Variants in ATF7IP2 observed in about 807,000 individuals in gnomAD.
The protein encoded by ATF7IP2 is activating transcription factor 7-interacting protein 2.
Under a neutral mutation model 64.2 loss-of-function variants are expected in ATF7IP2, and 42 were observed. That is an observed-to-expected ratio of 0.65 (90% CI 0.51 to 0.85). The LOEUF is 0.85. Ranked by LOEUF, ATF7IP2 falls within the 40% of genes least tolerant of loss-of-function variation. The pLI is 0.00. For missense variants in ATF7IP2, 933 were observed against 784.2 expected (o/e 1.19, Z -2.27); for synonymous variants, 308 against 272.8 (o/e 1.13, Z -1.27).
At chr16:10,404,429 G>C (rs2047594263) in intron 1 of ATF7IP2, among the ~76,000 whole-genome samples, 1 of 152,112 alleles carries the variant, frequency 6.6e-6, no homozygotes, top group East Asian at 1.9e-4. Flanking sequence ...ATTTTTAGTA[G>C]ATACTGGGTT....
intron 9 of ATF7IP2, among the ~76,000 whole-genome samples, chr16:10,458,124 A>G (rs35037634): frequency 0.089 from 13,541 of 152,312 alleles, 667 homozygotes; most frequent in African/African-American, 0.12. Flanking sequence ...GTACACAAGG[A>G]GGCTCTAAAG....
intron 1 of ATF7IP2, among the ~76,000 whole-genome samples, chr16:10,392,178 C>T (rs2047340324): frequency 6.6e-6 from 1 of 151,222 alleles, no homozygotes; most frequent in Non-Finnish European, 1.5e-5. Flanking sequence ...CTCAGCCTCC[C>T]AAGTAGCACC....
chr16:10,420,718 A>C (rs1420934198), intron 3 of ATF7IP2, among the ~76,000 whole-genome samples: 1 of 152,224 alleles, frequency 6.6e-6, no homozygotes, highest in African/African-American at 2.4e-5. Context: ...GTGAAATCGT[A>C]ACTGAGCATT....
intron 9 of ATF7IP2, among the ~76,000 whole-genome samples, chr16:10,469,062 C>T (rs970414726): frequency 2.0e-5 from 3 of 152,138 alleles, no homozygotes; most frequent in African/African-American, 7.2e-5. Flanking sequence ...AATGAAACAA[C>T]ATCCATTACC....
rs1184435680 is a variant in ATF7IP2 at position 10,482,512 on chromosome 16, T to A, written c.*263T>A. 3.7e-6 allele frequency: 1 copy of A among 273,936 alleles called. No individual in the cohort carries two copies. Among genetic ancestry groups the A allele is most frequent in the African/African-American group, 2.3e-5 (1 of 44,392 alleles). 17.0% of individuals were successfully genotyped at this position (273,936 alleles called of 1,614,324 possible). A position where few individuals can be genotyped will look rare whatever the true frequency, so the allele number is the denominator to read the frequency against. ...GGTGCATTGTGAACAATACCTTTAG[T>A]GACTGTGGAACTGCTGCTTCTATCA... On this transcript the variant is annotated 3_prime_UTR_variant, in exon 14 of 14. Transcript: ENST00000562102.
intron 9 of ATF7IP2, 51 bp downstream of exon 9, chr16:10,457,580 A>AT (rs751747949): frequency 4.1e-5 from 55 of 1,336,764 alleles, no homozygotes; most frequent in Non-Finnish European, 5.2e-5. Context: ...ATAATAATGA[A>AT]TTTTTTCTTC....
chr16:10,439,391 G>A (rs1040211300), intron 7 of ATF7IP2, among the ~76,000 whole-genome samples: 149 of 151,136 alleles, frequency 9.9e-4, no homozygotes, highest in Non-Finnish European at 1.7e-3. Flanking sequence ...GCCCGCCACC[G>A]TGCCCGGCTA....
At position 10,431,186 on chromosome 16, in the gene ATF7IP2, T is replaced by C. The variant is rs1567452256; in HGVS notation, c.566T>C (p.Val189Ala). 6.2e-7 allele frequency: 1 copy of C among 1,614,206 alleles called. No homozygotes were observed. Among genetic ancestry groups the C allele is most frequent in the South Asian group, 1.1e-5 (1 of 91,082 alleles). Residue 189 changes from valine (V) to alanine (A), a missense_variant, in exon 5 of 14, where the codon GTG becomes GCG. Physicochemically the swap from Val to Ala is moderately conservative, Grantham distance 64. Transcript: ENST00000562102. ...CCAGAGTCTACAGTAACCAGTACCG[T>C]GGGTGACAAGAAAACTGACCAGATG... The part of the protein sequence containing the change: ...QMPESTVTST[V>A]GDKKTDQMVF...
At chr16:10,423,722 G>T (rs893031414) in intron 3 of ATF7IP2, among the ~76,000 whole-genome samples, 2 of 152,146 alleles carry the variant, frequency 1.3e-5, no homozygotes, top group Non-Finnish European at 2.9e-5. Context: ...AACCTGCTCT[G>T]TTACCTCTTA....
At chr16:10,467,900 A>G (rs1268483271) in intron 9 of ATF7IP2, among the ~76,000 whole-genome samples, 4 of 138,226 alleles carry the variant, frequency 2.9e-5, no homozygotes, top group African/African-American at 1.1e-4. Context: ...TTTTTTTGAG[A>G]CAGAGTTTTG....
At chr16:10,448,120 C>T (rs1275994731) in intron 8 of ATF7IP2, 1 of 152,046 alleles carries the variant, frequency 6.6e-6, no homozygotes, top group African/African-American at 2.4e-5. Flanking sequence ...TGTTCTGTTC[C>T]ATTGGTCTAT....
intron 1 of ATF7IP2, among the ~76,000 whole-genome samples, chr16:10,388,868 C>T (rs555856002): frequency 5.3e-5 from 8 of 152,116 alleles, no homozygotes; most frequent in East Asian, 3.9e-4. Context: ...AAAAATTAGC[C>T]GGGCGTGGTG....
At chr16:10,429,971 G>C (rs1028504348) in intron 4 of ATF7IP2, among the ~76,000 whole-genome samples, 2 of 151,624 alleles carry the variant, frequency 1.3e-5, no homozygotes, top group Non-Finnish European at 2.9e-5. Context: ...TTGTGCTTCA[G>C]CCTGCCGAGT....
chr16:10,442,727 A>C (rs73497856), intron 8 of ATF7IP2, among the ~76,000 whole-genome samples: 2,738 of 151,580 alleles, frequency 0.018, 77 homozygotes, highest in African/African-American at 0.062. Context: ...TACAGACTCC[A>C]TCTTTTTCTG....
intron 1 of ATF7IP2, among the ~76,000 whole-genome samples, chr16:10,395,684 G>T (rs1489197477): frequency 6.6e-6 from 1 of 152,102 alleles, no homozygotes; most frequent in Non-Finnish European, 1.5e-5. Flanking sequence ...AAAGCTACAT[G>T]ATCTTTTTAA....
At chr16:10,404,527 G>A (rs942577765) in intron 1 of ATF7IP2, among the ~76,000 whole-genome samples, 10 of 151,762 alleles carry the variant, frequency 6.6e-5, no homozygotes, top group East Asian at 1.9e-4. Flanking sequence ...GATTATAGGC[G>A]TGAGCCACTC....
At chr16:10,472,249 A>C (rs1026340241) in intron 10 of ATF7IP2, 66 bp downstream of exon 10, 9 of 779,972 alleles carry the variant, frequency 1.2e-5, no homozygotes, top group Non-Finnish European at 1.2e-5. Flanking sequence ...GTTTGCTTTA[A>C]AGTGAAAAAT....
At chr16:10,475,917 A>C (rs1295533917) in intron 12 of ATF7IP2, among the ~76,000 whole-genome samples, 1 of 152,170 alleles carries the variant, frequency 6.6e-6, no homozygotes, top group African/African-American at 2.4e-5. Flanking sequence ...TTAAAAAGGA[A>C]ATAAACATTA....
chr16:10,394,507 G>GC (rs2047386699), intron 1 of ATF7IP2, among the ~76,000 whole-genome samples: 1 of 152,170 alleles, frequency 6.6e-6, no homozygotes. Flanking sequence ...GACGACTTGA[G>GC]CAACACTAAA....
Sources: gnomAD v4.1 joint callset for allele counts (sites outside exome capture counted in the v4.1 genomes callset) on GRCh38, gnomAD v4.1.1 for gene constraint, MANE v1.5 for transcripts, NCBI Gene and HGNC (gene_info 2026-07-23, HGNC 2026-07-21) for gene names.